The following GPC5 variants were observed in gnomAD, a reference collection of about 807,000 sequenced individuals.
The protein encoded by GPC5 is glypican 5, also known as glypican-5.
A neutral mutation model predicts 53.9 loss-of-function variants in GPC5; 47 were observed. The observed-to-expected ratio is 0.87, with a 90% confidence interval of 0.69 to 1.11. The LOEUF is 1.11. Ranked by LOEUF, GPC5 falls within the 50% of genes most tolerant of loss-of-function variation. The probability of loss-of-function intolerance (pLI) is 0.00; values close to 1 mark genes in which losing one functional copy is unlikely to be tolerated. For synonymous variants in GPC5, 286 were observed against 263.3 expected, an observed-to-expected ratio of 1.09 and a Z score of -0.84; for missense variants, 748 against 713.1, an observed-to-expected ratio of 1.05 and a Z score of -0.56.
chr13:91,453,775 C>T (rs1431110712), intron 2 of GPC5, among the ~76,000 whole-genome samples: 1 of 151,648 alleles, frequency 6.6e-6, no homozygotes, highest in African/African-American at 2.4e-5. Context: ...GATTCATTTC[C>T]TCTCTCCTCC....
At chr13:92,069,926 C>A (rs924884772) in intron 6 of GPC5, among the ~76,000 whole-genome samples, 3 of 152,066 alleles carry the variant, frequency 2.0e-5, no homozygotes, top group Admixed American at 6.6e-5. Flanking sequence ...TCCTTGAGAC[C>A]TGAATATGCT....
Position 91,683,829 on chromosome 13 carries a change from C to G in GPC5, c.326-9358C>G, listed in dbSNP as rs552253206. 5.6e-4 allele frequency among the ~76,000 whole-genome samples: 86 copies of G among 152,294 alleles called. 1 individual carries two copies. Among genetic ancestry groups the G allele is most frequent in the African/African-American group, 2.0e-3 (83 of 41,576 alleles). On this transcript the variant is annotated intron_variant, in intron 2 of 7. Coordinates refer to ENST00000377067, the MANE Select transcript of GPC5 (RefSeq NM_004466.6). ...AGTAAATTCTCCTTCCTCATACAAGCAAAATGTTTGACCTCATAGCCCCCT... is the reference window on the plus strand; with the variant it reads ...AGTAAATTCTCCTTCCTCATACAAGGAAAATGTTTGACCTCATAGCCCCCT...
chr13:91,896,157 T>C (rs995046566), intron 5 of GPC5, among the ~76,000 whole-genome samples: 4 of 148,600 alleles, frequency 2.7e-5, no homozygotes, highest in African/African-American at 1.0e-4. Context: ...TCTCGCTCTA[T>C]CATCCAGGCT....
intron 5 of GPC5, among the ~76,000 whole-genome samples, chr13:91,783,804 G>A (rs1414358106): frequency 3.9e-5 from 6 of 152,076 alleles, no homozygotes; most frequent in South Asian, 2.1e-4. Context: ...TGAAGTATTT[G>A]TGTTAAAAGT....
chr13:91,914,081 AT>A (rs910832169), intron 6 of GPC5, among the ~76,000 whole-genome samples: 2 of 152,186 alleles, frequency 1.3e-5, no homozygotes, highest in Non-Finnish European at 2.9e-5. Flanking sequence ...ATGTTTGTTT[AT>A]GGCAAAGTTG....
intron 1 of GPC5, among the ~76,000 whole-genome samples, chr13:91,414,196 G>T (rs1255199829): frequency 3.9e-5 from 6 of 152,170 alleles, no homozygotes. Context: ...ATTGAATCAT[G>T]GGGGCAGTTA....
At chr13:92,251,345 C>G (rs1453946574) in intron 7 of GPC5, among the ~76,000 whole-genome samples, 1 of 151,940 alleles carries the variant, frequency 6.6e-6, no homozygotes, top group Non-Finnish European at 1.5e-5. Context: ...GAAAAATTAC[C>G]AGTGTAAGGT....
At chr13:92,413,826 G>T (rs1270792205) in intron 7 of GPC5, among the ~76,000 whole-genome samples, 1 of 152,054 alleles carries the variant, frequency 6.6e-6, no homozygotes, top group Non-Finnish European at 1.5e-5. Context: ...CTGAGATGAG[G>T]CTATTTGAGA....
intron 2 of GPC5, among the ~76,000 whole-genome samples, chr13:91,658,822 A>G (rs1354696233): frequency 6.6e-6 from 1 of 151,960 alleles, no homozygotes; most frequent in Non-Finnish European, 1.5e-5. Flanking sequence ...GTTACTTCCT[A>G]CCTCGGGGCC....
chr13:92,739,578 T>C (rs1004992985), intron 7 of GPC5, among the ~76,000 whole-genome samples: 1 of 152,012 alleles, frequency 6.6e-6, no homozygotes, highest in African/African-American at 2.4e-5. Context: ...CACAATCTTA[T>C]CAAAATTGTG....
chr13:92,443,701 A>G (rs1877673036), intron 7 of GPC5, among the ~76,000 whole-genome samples: 1 of 152,224 alleles, frequency 6.6e-6, no homozygotes, highest in Admixed American at 6.5e-5. Flanking sequence ...GACTGACTGC[A>G]TGCATAGCAG....
chr13:91,715,161 A>T (rs1166312365), intron 3 of GPC5, among the ~76,000 whole-genome samples: 2 of 152,202 alleles, frequency 1.3e-5, no homozygotes, highest in African/African-American at 4.8e-5. Context: ...TGGTAAACTG[A>T]CATGGCACAC....
In GPC5 at chr13:92,846,993, T is replaced by C. The variant is rs138550185; in HGVS notation, c.1562-19289T>C. ...GATAGTGAGATATTCTAAGACTACA[T>C]GGAGATGCTCATGGATAATCATTTC... is the stretch of plus-strand genomic sequence containing the variant. On this transcript the variant is annotated intron_variant, in intron 7 of 7. Coordinates refer to ENST00000377067, the MANE Select transcript of GPC5 (RefSeq NM_004466.6). Among the ~76,000 whole-genome samples the C allele has an allele frequency of 1.1e-3, 170 of 152,292 alleles. 1 individual carries two copies. Among genetic ancestry groups the C allele is most frequent in the African/African-American group, 4.0e-3 (167 of 41,572 alleles).
At chr13:91,414,931 C>T (rs1158641719) in intron 1 of GPC5, among the ~76,000 whole-genome samples, 1 of 152,168 alleles carries the variant, frequency 6.6e-6, no homozygotes, top group Non-Finnish European at 1.5e-5. Context: ...TCTTAAGACA[C>T]CCTTCATGGT....
chr13:91,593,368 G>T (rs1256288098), intron 2 of GPC5, among the ~76,000 whole-genome samples: 1 of 152,054 alleles, frequency 6.6e-6, no homozygotes, highest in East Asian at 1.9e-4. Flanking sequence ...GCCCTTCCTG[G>T]GTATGTCTAG....
chr13:92,743,365 C>T (rs1889156856), intron 7 of GPC5, among the ~76,000 whole-genome samples: 1 of 152,064 alleles, frequency 6.6e-6, no homozygotes. Flanking sequence ...TGGGAGTTCA[C>T]TCATGATTTG....
At chr13:92,044,790 A>C (rs2040968353) in intron 6 of GPC5, among the ~76,000 whole-genome samples, 1 of 152,238 alleles carries the variant, frequency 6.6e-6, no homozygotes, top group Non-Finnish European at 1.5e-5. Context: ...TTGATGTATT[A>C]ATTCCTAGTA....
At chr13:92,632,180 T>C (rs1885261456) in intron 7 of GPC5, among the ~76,000 whole-genome samples, 1 of 152,090 alleles carries the variant, frequency 6.6e-6, no homozygotes, top group Admixed American at 6.6e-5. Flanking sequence ...ATTATGCCCT[T>C]TTCTCTATGT....
intron 2 of GPC5, among the ~76,000 whole-genome samples, chr13:91,473,716 C>T (rs1882768857): frequency 6.6e-6 from 1 of 152,108 alleles, no homozygotes; most frequent in African/African-American, 2.4e-5. Context: ...TTTATTTATA[C>T]TCTAAGAATA....
Sources: gnomAD v4.1 joint callset for allele counts (sites outside exome capture counted in the v4.1 genomes callset) on GRCh38, gnomAD v4.1.1 for gene constraint, MANE v1.5 for transcripts, NCBI Gene and HGNC (gene_info 2026-07-23, HGNC 2026-07-21) for gene names.